Variants in TCF21 observed in about 807,000 individuals in gnomAD.
The protein encoded by TCF21 is transcription factor 21.
A neutral mutation model predicts 13.5 loss-of-function variants in TCF21; 3 were observed. The ratio of observed to expected loss-of-function variants is 0.22; its 90% CI spans 0.10 to 0.57. TCF21 has a LOEUF of 0.57. Among genes scored for constraint, TCF21 ranks in the 20% least tolerant of loss-of-function variants. The pLI is 0.92. For missense variants in TCF21, 181 were observed against 238.4 expected (o/e 0.76, Z 1.59); for synonymous variants, 92 against 101.7 (o/e 0.90, Z 0.57).
Position 133,889,663 on chromosome 6 carries a change from G to T in TCF21, c.266G>T (p.Arg89Leu). The T allele has an allele frequency of 6.2e-7, 1 of 1,613,768 alleles. No individual in the cohort carries two copies. Among genetic ancestry groups the T allele is most frequent in the Non-Finnish European group, 8.5e-7 (1 of 1,179,928 alleles). Residue 89 changes from arginine (R) to leucine (L), a missense_variant, in exon 1 of 2, where the codon CGG becomes CTG. By Grantham distance (102) the Arg-to-Leu change is moderately radical (BLOSUM62 -2). Transcript: ENST00000367882. This position sits in a 1 kb window ranked among gnomAD's most constrained non-coding sequence, Gnocchi z 5.1. The part of the protein sequence containing the change: ...VQRNAANARE[R>L]ARMRVLSKAF... The stretch of plus-strand genomic sequence containing the variant: ...CGCAACGCCGCCAACGCGCGAGAGC[G>T]GGCCCGCATGCGAGTGCTGAGCAAG...
At chr6:133,891,114 A>G (rs1052365267) in intron 1 of TCF21, among the ~76,000 whole-genome samples, 2 of 152,270 alleles carry the variant, frequency 1.3e-5, no homozygotes, top group Non-Finnish European at 2.9e-5. Flanking sequence ...TTAAAAGTCA[A>G]TGTAGTATAG....
At position 133,889,809 on chromosome 6, in the gene TCF21, G is replaced by T; in HGVS notation, c.412G>T (p.Asp138Tyr). The T allele has an allele frequency of 6.2e-7, 1 of 1,613,060 alleles. No individual in the cohort carries two copies. The highest frequency in any genetic ancestry group is 8.5e-7 in the Non-Finnish European group (1 of 1,179,902). The stretch of plus-strand genomic sequence containing the variant: ...CCACTTGAGGCAGATCCTGGCTAAC[G>T]ACAAATACGAGAACGGGTACATTCA... The part of the protein sequence containing the change: ...IAHLRQILAN[D>Y]KYENGYIHPV... The change falls in exon 1 of 2, where the codon GAC becomes TAC. Residue 138 changes from aspartate to tyrosine, a missense_variant. Physicochemically the swap from Asp to Tyr is radical, Grantham distance 160. Transcript: ENST00000367882. The surrounding 1 kb of genome is among the most constrained non-coding windows in gnomAD (Gnocchi z 5.1).
Position 133,889,889 on chromosome 6 carries a change from G to T in TCF21, c.450+42G>T. 6.2e-7 allele frequency: 1 copy of T among 1,607,668 alleles called. No homozygotes were observed. Among genetic ancestry groups the T allele is most frequent in the South Asian group, 1.1e-5 (1 of 90,802 alleles). ...CTGCAGCTGCAGTCCAGGCGCGCCC[G>T]CACTCCCGCCTGCGGTGGGCGCGAG... On this transcript the variant is annotated intron_variant, in intron 1 of 1. Transcript: ENST00000367882. This position sits in a 1 kb window ranked among gnomAD's most constrained non-coding sequence, Gnocchi z 5.1.
At position 133,889,319 on chromosome 6, in the gene TCF21, G is replaced by GTC. The variant is rs1371318563; in HGVS notation, c.-70_-69dup. 8.2e-5 allele frequency: 129 copies of GTC among 1,573,840 alleles called. No individual in the cohort carries two copies. Among genetic ancestry groups the GTC allele is most frequent in the Non-Finnish European group, 1.1e-4 (122 of 1,153,602 alleles). ...GGCCTCTTGGTTTCAGGGTCTCTCT[G>GTC]TCTCTCTCTCACCCTCTTCCTCGCT... On this transcript the variant is annotated 5_prime_UTR_variant, in exon 1 of 2. Transcript: ENST00000367882. This position sits in a 1 kb window ranked among gnomAD's most constrained non-coding sequence, Gnocchi z 5.1.
In TCF21 at chr6:133,891,731, G is replaced by T. The variant is rs1775221162; in HGVS notation, c.469G>T (p.Ala157Ser). The change falls in exon 2 of 2, where the codon GCC (alanine) becomes TCC (serine). Residue 157 changes from alanine (A) to serine (S), a missense_variant. Ala to Ser is a moderately conservative substitution (Grantham distance 99). Coordinates refer to ENST00000367882, the MANE Select transcript of TCF21 (RefSeq NM_003206.4). Reference protein sequence around the residue: ...PVNLTWPFMVAGKPESDLKEV... With the variant: ...PVNLTWPFMVSGKPESDLKEV... ...CCCGCAGACGTGGCCCTTTATGGTG[G>T]CCGGGAAACCCGAGAGTGACCTGAA... 1 of 1,613,784 alleles carries T rather than the reference G, an allele frequency of 6.2e-7. No homozygotes were observed. Among genetic ancestry groups the T allele is most frequent in the African/African-American group, 1.3e-5 (1 of 74,846 alleles).
chr6:133,889,611 G>A lies in TCF21; in HGVS notation c.214G>A (p.Val72Ile). ...APTKKSPLSG[V>I]SQEGKQVQRN... ...CACCAAGAAGAGCCCCCTGAGCGGG[G>A]TCAGCCAGGAGGGGAAGCAGGTCCA... is the stretch of plus-strand genomic sequence containing the variant. The change falls in exon 1 of 2, where the codon GTC becomes ATC. Residue 72 changes from valine (V) to isoleucine (I), a missense_variant. Around this residue, in one of 3 missense-constraint regions of TCF21, gnomAD observed 91 missense variants for 98.5 expected, o/e 0.92. Transcript: ENST00000367882. This position sits in a 1 kb window ranked among gnomAD's most constrained non-coding sequence, Gnocchi z 5.1. 2 of 1,613,720 alleles carry A rather than the reference G, an allele frequency of 1.2e-6. No homozygotes were observed. The highest frequency in any genetic ancestry group is 1.1e-5 in the South Asian group (1 of 91,068).
chr6:133,891,930 C>T lies in TCF21; in HGVS notation c.*128C>T. 1.1e-6 allele frequency: 1 copy of T among 910,910 alleles called. No individual in the cohort carries two copies. Among genetic ancestry groups the T allele is most frequent in the Non-Finnish European group, 1.7e-6 (1 of 600,542 alleles). The allele number at this position is 910,910 out of a possible 1,614,324, so 56.4% of individuals were successfully genotyped here. On this transcript the variant is annotated 3_prime_UTR_variant, in exon 2 of 2. Coordinates refer to ENST00000367882, the MANE Select transcript of TCF21 (RefSeq NM_003206.4). ...ATGCTCCTCTCTCTGTCCCACCCCG[C>T]GAGAACACTTTACAACGACGAGGAG...
chr6:133,889,289 C>T lies in TCF21; in HGVS notation c.-109C>T, dbSNP rs1487405754. 7.7e-6 allele frequency: 11 copies of T among 1,423,428 alleles called. No individual in the cohort carries two copies. The highest frequency in any genetic ancestry group is 1.2e-5 in the South Asian group (1 of 86,846). 88.2% of individuals were successfully genotyped at this position (1,423,428 alleles called of 1,614,324 possible). On this transcript the variant is annotated 5_prime_UTR_variant, in exon 1 of 2. Coordinates refer to ENST00000367882, the MANE Select transcript of TCF21 (RefSeq NM_003206.4). This position sits in a 1 kb window ranked among gnomAD's most constrained non-coding sequence, Gnocchi z 5.1. Reference sequence around the variant, plus strand: ...CAGCAGGAGGTGGCTGCGCCACACTCGGGAGGCCTCTTGGTTTCAGGGTCT... The same window carrying T: ...CAGCAGGAGGTGGCTGCGCCACACTTGGGAGGCCTCTTGGTTTCAGGGTCT...
At position 133,889,597 on chromosome 6, in the gene TCF21, G is replaced by A; in HGVS notation, c.200G>A (p.Ser67Asn). The part of the protein sequence containing the change: ...GKRRKAPTKK[S>N]PLSGVSQEGK... ...AGGAGGAAGGCGCCCACCAAGAAGA[G>A]CCCCCTGAGCGGGGTCAGCCAGGAG... Residue 67 changes from serine (S) to asparagine (N), a missense_variant, in exon 1 of 2, where the codon AGC becomes AAC. Physicochemically the swap from Ser to Asn is conservative, Grantham distance 46. This residue lies in a region of TCF21 where 91 missense variants were observed against 98.5 expected (regional missense o/e 0.92). Coordinates refer to ENST00000367882, the MANE Select transcript of TCF21 (RefSeq NM_003206.4). The surrounding 1 kb of genome is among the most constrained non-coding windows in gnomAD (Gnocchi z 5.1). 1.2e-6 allele frequency: 2 copies of A among 1,613,920 alleles called. No individual in the cohort carries two copies. The highest frequency in any genetic ancestry group is 1.7e-6 in the Non-Finnish European group (2 of 1,179,954).
intron 1 of TCF21, 73 bp from the exon 2 acceptor site, chr6:133,891,639 CA>C: frequency 2.2e-5 from 14 of 649,914 alleles, no homozygotes; most frequent in Non-Finnish European, 3.2e-5. Context: ...CCCTTCCTTT[CA>C]TCTCAGGCCC....
chr6:133,891,708 C>T lies in TCF21; in HGVS notation c.451-5C>T. 6.2e-7 allele frequency: 1 copy of T among 1,613,850 alleles called. No individual in the cohort carries two copies. Among genetic ancestry groups the T allele is most frequent in the South Asian group, 1.1e-5 (1 of 91,040 alleles). On this transcript the variant is annotated splice_polypyrimidine_tract_variant and splice_region_variant and intron_variant, in intron 1 of 1. Coordinates refer to ENST00000367882, the MANE Select transcript of TCF21 (RefSeq NM_003206.4). ...TTACCTCCTCCACCCTCTTCTTTCC[C>T]GCAGACGTGGCCCTTTATGGTGGCC... is the stretch of plus-strand genomic sequence containing the variant.
rs1775217375 is a variant in TCF21, at chr6:133,891,574, G to A, written c.451-139G>A. On this transcript the variant is annotated intron_variant, in intron 1 of 1. Coordinates refer to ENST00000367882, the MANE Select transcript of TCF21 (RefSeq NM_003206.4). Reference sequence around the variant, plus strand: ...CAGCCGCAGGGTGCGCTAGGACCGGGAGTAAATTGCAGAGATAACCGGTCT... The same window carrying A: ...CAGCCGCAGGGTGCGCTAGGACCGGAAGTAAATTGCAGAGATAACCGGTCT... 10 of 909,074 alleles carry A rather than the reference G, an allele frequency of 1.1e-5. No homozygotes were observed. The South Asian group carries it at 1.4e-4, about 13-fold the overall frequency. 56.3% of individuals were successfully genotyped at this position (909,074 alleles called of 1,614,324 possible).
In TCF21 at chr6:133,889,168, C is replaced by T. The variant is rs906704671; in HGVS notation, c.-230C>T. ...ACTCTGGGAGTGGGGAAACAGAGAG[C>T]CGGTTCCTCTGCTGCAGAAGTCCTC... On this transcript the variant is annotated 5_prime_UTR_variant, in exon 1 of 2. Transcript: ENST00000367882. This position sits in a 1 kb window ranked among gnomAD's most constrained non-coding sequence, Gnocchi z 5.1. 5 of 585,904 alleles carry T rather than the reference C, an allele frequency of 8.5e-6. No homozygotes were observed. The highest frequency in any genetic ancestry group is 5.9e-5 in the Admixed American group (2 of 33,734). 36.3% of individuals were successfully genotyped at this position (585,904 alleles called of 1,614,324 possible).
In TCF21 at chr6:133,889,925, GC is replaced by G; in HGVS notation, c.450+79del. ...TGCGGTGGGCGCGAGTGCGCGCGGG[GC>G]TGGGAGTGGGGGTGTGGGCGCGGCG... On this transcript the variant is annotated intron_variant, in intron 1 of 1. Coordinates refer to ENST00000367882, the MANE Select transcript of TCF21 (RefSeq NM_003206.4). This position sits in a 1 kb window ranked among gnomAD's most constrained non-coding sequence, Gnocchi z 5.1. 1 of 1,525,182 alleles carries G rather than the reference GC, an allele frequency of 6.6e-7. No individual in the cohort carries two copies. Among genetic ancestry groups the G allele is most frequent in the Non-Finnish European group, 9.1e-7 (1 of 1,103,826 alleles). 94.5% of individuals were successfully genotyped at this position (1,525,182 alleles called of 1,614,324 possible).
Position 133,889,935 on chromosome 6 carries a change from G to A in TCF21, c.450+88G>A. ...GCGAGTGCGCGCGGGGCTGGGAGTGGGGGTGTGGGCGCGGCGGTGACTTAC... is the reference window on the plus strand; with the variant it reads ...GCGAGTGCGCGCGGGGCTGGGAGTGAGGGTGTGGGCGCGGCGGTGACTTAC... On this transcript the variant is annotated intron_variant, in intron 1 of 1. Transcript: ENST00000367882. This position sits in a 1 kb window ranked among gnomAD's most constrained non-coding sequence, Gnocchi z 5.1. 6.8e-7 allele frequency: 1 copy of A among 1,464,440 alleles called. No individual in the cohort carries two copies. The highest frequency in any genetic ancestry group is 1.4e-5 in the African/African-American group (1 of 71,868). 90.7% of individuals were successfully genotyped at this position (1,464,440 alleles called of 1,614,324 possible). A position where few individuals can be genotyped will look rare whatever the true frequency, so the allele number is the denominator to read the frequency against.
At chr6:133,890,804 G>A (rs1457389514) in intron 1 of TCF21, among the ~76,000 whole-genome samples, 3 of 152,190 alleles carry the variant, frequency 2.0e-5, no homozygotes, top group Non-Finnish European at 4.4e-5. Flanking sequence ...GCAGTAGTGA[G>A]AGGGGTCTGA....
At chr6:133,890,671 A>G (rs909569093) in intron 1 of TCF21, among the ~76,000 whole-genome samples, 4 of 152,112 alleles carry the variant, frequency 2.6e-5, no homozygotes, top group Admixed American at 2.6e-4. Flanking sequence ...ATTTGATTTT[A>G]TTTTAAAACT....
chr6:133,893,985 C>T (rs182599120), downstream of TCF21: 2 of 152,138 alleles, frequency 1.3e-5, no homozygotes, highest in Non-Finnish European at 2.9e-5. Context: ...TGCAGACCTT[C>T]CTCTTTCATC....
In TCF21 at chr6:133,889,854, G is replaced by A; in HGVS notation, c.450+7G>A. The A allele has an allele frequency of 6.2e-7, 1 of 1,612,656 alleles. No homozygotes were observed. Among genetic ancestry groups the A allele is most frequent in the Non-Finnish European group, 8.5e-7 (1 of 1,179,758 alleles). ...CATTCACCCGGTCAACCTGGTGAGT[G>A]CTCCCGGGGCTGCAGCTGCAGTCCA... On this transcript the variant is annotated splice_region_variant and intron_variant, in intron 1 of 1. Transcript: ENST00000367882. The surrounding 1 kb of genome is among the most constrained non-coding windows in gnomAD (Gnocchi z 5.1).
Sources: gnomAD v4.1 joint callset for allele counts (sites outside exome capture counted in the v4.1 genomes callset) on GRCh38, gnomAD v4.1.1 for gene constraint, gnomAD v4.1.1 regional missense constraint, Gnocchi (gnomAD v3.1) non-coding constraint, MANE v1.5 for transcripts, NCBI Gene and HGNC (gene_info 2026-07-23, HGNC 2026-07-21) for gene names.